The following BCORL1 variants were observed in gnomAD, a reference collection of about 807,000 sequenced individuals.
BCORL1 encodes BCL6 corepressor like 1, also known as BCL-6 corepressor-like protein 1.
In BCORL1, 7 loss-of-function variants were observed where a neutral mutation model predicts 87.6. That is an observed-to-expected ratio of 0.08 (90% CI 0.05 to 0.15). The LOEUF (loss-of-function observed/expected upper bound fraction) is 0.15, where lower values mean the gene tolerates loss of function less well. Among genes scored for constraint, BCORL1 ranks in the 10% least tolerant of loss-of-function variants. The pLI, the probability that BCORL1 is intolerant of heterozygous loss-of-function variation, is 1.00. For synonymous variants in BCORL1, 591 were observed against 634.4 expected (o/e 0.93, Z 1.03); for missense variants, 1,215 against 1,499.7 (o/e 0.81, Z 3.13).
intron 5 of BCORL1, among the ~76,000 whole-genome samples, chrX:130,022,236 CTTT>C (rs34598574): frequency 1.8e-5 from 1 of 56,310 alleles, no homozygotes; most frequent in African/African-American, 7.5e-5. Context: ...TTCTTTCTTT[CTTT>C]TTTTTTTTTT....
rs963883199 is a variant in BCORL1 at position 130,014,627 on chromosome X, G to A, written c.1855G>A (p.Glu619Lys). The change falls in exon 4 of 14, where the codon GAG (glutamate) becomes AAG (lysine). Residue 619 changes from glutamate to lysine, a missense_variant. This residue lies in a region of BCORL1 where 861 missense variants were observed against 1,010.0 expected (regional missense o/e 0.85). Coordinates refer to ENST00000540052, the MANE Select transcript of BCORL1 (RefSeq NM_001379451.1). ...GATGGCCTCTCCACCTGAGTGCAGC[G>A]AGATGCCCCTTGATCTGTCCTCCAA... ...REMASPPECS[E>K]MPLDLSSKSN... 1 of 1,211,474 alleles carries A rather than the reference G, an allele frequency of 8.3e-7. No individual in the cohort carries two copies. The highest frequency in any genetic ancestry group is 1.1e-6 in the Non-Finnish European group (1 of 895,478).
At position 129,995,225 on chromosome X, in the gene BCORL1, C is replaced by T. The variant is rs190745654; in HGVS notation, c.-44-9963C>T. Among the ~76,000 whole-genome samples, 7 of 109,618 alleles carry T rather than the reference C, an allele frequency of 6.4e-5. No individual in the cohort carries two copies. In the East Asian group the frequency reaches 1.4e-3, roughly 23 times the overall value. ...TTCACCATGTGGACCAGGATGGTCT[C>T]GAACTCCTGACCTCAAGTTATCCAC... On this transcript the variant is annotated intron_variant, in intron 1 of 13. Transcript: ENST00000540052.
chrX:130,001,735 A>T (rs1165716325), intron 1 of BCORL1, among the ~76,000 whole-genome samples: 1 of 109,501 alleles, frequency 9.1e-6, no homozygotes, highest in Non-Finnish European at 1.9e-5. Flanking sequence ...AAATGGCAGG[A>T]TGTGGTGGAA....
At chrX:130,022,850 G>A in intron 5 of BCORL1, 47 bp from the exon 6 acceptor site, 1 of 1,113,082 alleles carries the variant, frequency 9.0e-7, no homozygotes, top group Middle Eastern at 2.4e-4. Flanking sequence ...TTTAAGCTTT[G>A]ATTGTAACAT....
At chrX:129,987,256 G>C (rs775323517) in intron 1 of BCORL1, among the ~76,000 whole-genome samples, 3 of 111,821 alleles carry the variant, frequency 2.7e-5, no homozygotes, top group African/African-American at 9.8e-5. Context: ...AGAAATACAA[G>C]CATATTTATC....
intron 8 of BCORL1, 133 bp downstream of exon 8, chrX:130,028,994 G>T (rs966014840): frequency 4.0e-5 from 21 of 524,207 alleles, no homozygotes; most frequent in Non-Finnish European, 6.2e-5. Context: ...GTTCTCGAAG[G>T]GTTGGGGGTG....
intron 13 of BCORL1, among the ~76,000 whole-genome samples, chrX:130,052,519 A>T (rs779750578): frequency 1.8e-5 from 2 of 112,457 alleles, no homozygotes; most frequent in African/African-American, 6.5e-5. Context: ...TGCATATTAT[A>T]TTGGGGATCA....
At chrX:130,039,631 A>AT (rs1931199267) in intron 11 of BCORL1, among the ~76,000 whole-genome samples, 1 of 112,909 alleles carries the variant, frequency 8.9e-6, no homozygotes, top group Non-Finnish European at 1.9e-5. Context: ...TGTGCTTTGA[A>AT]TGGGATGTCA....
rs777157159 is a variant in BCORL1 at position 130,044,417 on chromosome X, G to C, written c.4840+5135G>C. Among the ~76,000 whole-genome samples, 558 of 111,273 alleles carry C rather than the reference G, an allele frequency of 5.0e-3. 5 individuals are homozygous for C. Among genetic ancestry groups the C allele is most frequent in the Non-Finnish European group, 7.7e-3 (406 of 52,993 alleles). On this transcript the variant is annotated intron_variant, in intron 11 of 13. Coordinates refer to ENST00000540052, the MANE Select transcript of BCORL1 (RefSeq NM_001379451.1). ...AGGAAAAGGTGAGCATTAGCGTCAG[G>C]GTTATGCCTCATGTAGCGCTTCCCT...
intron 1 of BCORL1, among the ~76,000 whole-genome samples, chrX:130,001,049 G>A (rs145827650): frequency 1.4e-3 from 151 of 110,817 alleles, no homozygotes; most frequent in African/African-American, 4.7e-3. Context: ...GTAAGGTGTC[G>A]TGGAGGAAAC....
intron 1 of BCORL1, among the ~76,000 whole-genome samples, chrX:129,990,880 A>G (rs1440460903): frequency 9.0e-6 from 1 of 111,297 alleles, no homozygotes; most frequent in Non-Finnish European, 1.9e-5. Flanking sequence ...TTTAAAAACC[A>G]TTGCTTTCTG....
Position 130,056,483 on chromosome X carries a change from G to T in BCORL1, c.*347G>T, listed in dbSNP as rs1932397842. 5.5e-6 allele frequency: 1 copy of T among 180,699 alleles called. No homozygotes were observed. 14.9% of individuals were successfully genotyped at this position (180,699 alleles called of 1,213,427 possible). On this transcript the variant is annotated 3_prime_UTR_variant, in exon 14 of 14. Transcript: ENST00000540052. Reference sequence around the variant, plus strand: ...CAAGACCAAACCTGGGCCCTGGATGGCCTTGGCCTGTCCCGAGGAGAAATG... The same window carrying T: ...CAAGACCAAACCTGGGCCCTGGATGTCCTTGGCCTGTCCCGAGGAGAAATG...
intron 10 of BCORL1, among the ~76,000 whole-genome samples, chrX:130,038,550 T>C (rs1931101547): frequency 9.1e-6 from 1 of 109,411 alleles, no homozygotes; most frequent in South Asian, 4.0e-4. Flanking sequence ...GGCACAATCT[T>C]GGCTCGCTGC....
chrX:130,010,921 C>G (rs776480505), intron 2 of BCORL1, among the ~76,000 whole-genome samples: 18 of 93,679 alleles, frequency 1.9e-4, no homozygotes, highest in Non-Finnish European at 3.3e-4. Context: ...TTGCCTGATT[C>G]CAGGAGGCGG....
chrX:130,051,777 C>T, intron 12 of BCORL1, 83 bp from the exon 13 acceptor site: 1 of 936,819 alleles, frequency 1.1e-6, no homozygotes, highest in Non-Finnish European at 1.4e-6. Context: ...CCCCTCCATG[C>T]CCCTTTATCT....
rs376447863 is a variant in BCORL1, at chrX:129,983,057, C to T, written c.-45+295C>T. On this transcript the variant is annotated intron_variant, in intron 1 of 13. Transcript: ENST00000540052. ...CCCGGGGGCGCCGTCCTCTTCGTGTCCCCGGACGTAGCGCTCCCTGGAGCT... is the reference window on the plus strand; with the variant it reads ...CCCGGGGGCGCCGTCCTCTTCGTGTTCCCGGACGTAGCGCTCCCTGGAGCT... 1.5e-4 allele frequency among the ~76,000 whole-genome samples: 16 copies of T among 110,196 alleles called. No homozygotes were observed. The East Asian group carries it at 4.4e-3, about 30-fold the overall frequency.
At position 130,039,073 on chromosome X, in the gene BCORL1, T is replaced by G; in HGVS notation, c.4695-64T>G. ...AGTTTTTTCCCCTGATGCAGTAGCCTTAAGTGTAGACACCCCAGTTCCCAC... is the reference window on the plus strand; with the variant it reads ...AGTTTTTTCCCCTGATGCAGTAGCCGTAAGTGTAGACACCCCAGTTCCCAC... On this transcript the variant is annotated intron_variant, in intron 10 of 13. Transcript: ENST00000540052. The G allele has an allele frequency of 2.6e-6, 3 of 1,163,611 alleles. No individual in the cohort carries two copies. The South Asian group carries it at 5.6e-5, about 22-fold the overall frequency.
At chrX:130,023,023 A>G (rs945508828) in intron 6 of BCORL1, 46 bp downstream of exon 6, 1 of 1,079,112 alleles carries the variant, frequency 9.3e-7, no homozygotes, top group African/African-American at 1.8e-5. Context: ...CTTCTATGAA[A>G]AGAGAGATCG....
rs765554234 is a variant in BCORL1 at position 130,005,239 on chromosome X, C to T, written c.8C>T (p.Ser3Phe). MI[S>F]TAPLYSGVHN... ...TGGTGGTGAGTGGCTGTCATGATCTCTACAGCACCGCTCTACAGCGGCGTG... is the reference window on the plus strand; with the variant it reads ...TGGTGGTGAGTGGCTGTCATGATCTTTACAGCACCGCTCTACAGCGGCGTG... The change falls in exon 2 of 14, where the codon TCT becomes TTT. Residue 3 changes from serine to phenylalanine, a missense_variant. Around this residue, in one of 5 missense-constraint regions of BCORL1, gnomAD observed 861 missense variants for 1,010.0 expected, o/e 0.85. Coordinates refer to ENST00000540052, the MANE Select transcript of BCORL1 (RefSeq NM_001379451.1). 8.3e-7 allele frequency: 1 copy of T among 1,211,162 alleles called. No homozygotes were observed. The highest frequency in any genetic ancestry group is 1.1e-6 in the Non-Finnish European group (1 of 894,863).
Sources: allele counts gnomAD v4.1 joint callset (sites outside exome capture counted in the v4.1 genomes callset), GRCh38; gene constraint gnomAD v4.1.1; regional missense constraint gnomAD v4.1.1; transcripts MANE v1.5; gene names NCBI Gene and HGNC (gene_info 2026-07-23, HGNC 2026-07-21).